The following IPO8 variants were observed in gnomAD, a reference collection of about 807,000 sequenced individuals.
The protein encoded by IPO8 is importin-8.
In IPO8, 65 loss-of-function variants were observed where a neutral mutation model predicts 141.2. The observed-to-expected ratio is 0.46, with a 90% CI of 0.38 to 0.57. IPO8 has a LOEUF of 0.57. IPO8 is among the 20% of genes least tolerant of loss of function. IPO8 has a pLI of 0.00. For missense variants in IPO8, 980 were observed against 1,246.8 expected, an observed-to-expected ratio of 0.79 and a Z score of 3.22; for synonymous variants, 411 against 420.3, an observed-to-expected ratio of 0.98 and a Z score of 0.27.
chr12:30,666,657 GAAACAC>G (rs2052969854), intron 10 of IPO8, among the ~76,000 whole-genome samples: 1 of 152,096 alleles, frequency 6.6e-6, no homozygotes, highest in Non-Finnish European at 1.5e-5. Flanking sequence ...GTGAAACAAA[GAAACAC>G]ATTATACATA....
At chr12:30,645,305 G>A (rs1377363217) in intron 20 of IPO8, among the ~76,000 whole-genome samples, 3 of 151,670 alleles carry the variant, frequency 2.0e-5, no homozygotes, top group Admixed American at 6.6e-5. Context: ...CCCAGGAGGC[G>A]GAGGTTGCAG....
At chr12:30,661,356 C>G (rs1241213235) in intron 15 of IPO8, 90 bp from the exon 16 acceptor site, 9 of 1,224,334 alleles carry the variant, frequency 7.4e-6, no homozygotes, top group Non-Finnish European at 9.8e-6. Context: ...TGTCACACAT[C>G]TGAAGTCTGC....
At chr12:30,672,261 C>T (rs1440355731) in intron 8 of IPO8, among the ~76,000 whole-genome samples, 5 of 152,096 alleles carry the variant, frequency 3.3e-5, no homozygotes, top group Non-Finnish European at 7.4e-5. Flanking sequence ...ATTATAAATT[C>T]AGAATATGGA....
intron 8 of IPO8, among the ~76,000 whole-genome samples, chr12:30,672,762 T>C (rs142997240): frequency 7.9e-5 from 12 of 152,308 alleles, no homozygotes; most frequent in African/African-American, 2.6e-4. Context: ...ATTTTCCCTA[T>C]AGATTGTCTC....
intron 20 of IPO8, among the ~76,000 whole-genome samples, chr12:30,640,622 A>G (rs947258694): frequency 6.6e-6 from 1 of 152,208 alleles, no homozygotes; most frequent in African/African-American, 2.4e-5. Flanking sequence ...CTAATTTGAG[A>G]TAACACATAT....
chr12:30,634,019 G>T, intron 23 of IPO8, 64 bp downstream of exon 23: 1 of 1,445,620 alleles, frequency 6.9e-7, no homozygotes, highest in Non-Finnish European at 9.5e-7. Context: ...TATCAAAACA[G>T]GAAGAAATGA....
intron 20 of IPO8, among the ~76,000 whole-genome samples, chr12:30,642,550 A>T (rs970094269): frequency 4.6e-5 from 7 of 152,014 alleles, no homozygotes; most frequent in African/African-American, 1.7e-4. Flanking sequence ...CAATGAATAT[A>T]TATATATAGC....
At chr12:30,676,949 C>A in intron 5 of IPO8, 4 of 1,532,854 alleles carry the variant, frequency 2.6e-6, no homozygotes, top group Non-Finnish European at 3.5e-6. Flanking sequence ...ATATTTATTT[C>A]ATTAAACACT....
intron 21 of IPO8, among the ~76,000 whole-genome samples, chr12:30,639,031 TG>T (rs2052542156): frequency 1.3e-5 from 2 of 152,144 alleles, no homozygotes; most frequent in Non-Finnish European, 2.9e-5. Context: ...ATTCTCCTAC[TG>T]GGGCAGCACC....
intron 20 of IPO8, 111 bp downstream of exon 20, chr12:30,649,026 A>T (rs965585206): frequency 1.5e-6 from 1 of 645,524 alleles, no homozygotes; most frequent in Non-Finnish European, 2.6e-6. Context: ...CAGAAAGCAC[A>T]ATCTATAGGC....
intron 7 of IPO8, 123 bp from the exon 8 acceptor site, chr12:30,674,197 C>CT: frequency 1.7e-6 from 1 of 590,230 alleles, no homozygotes; most frequent in Non-Finnish European, 3.0e-6. Flanking sequence ...CTAACACTGC[C>CT]TTTTTTTCCC....
intron 6 of IPO8, among the ~76,000 whole-genome samples, chr12:30,675,956 GT>G (rs955464821): frequency 2.6e-5 from 4 of 151,230 alleles, no homozygotes; most frequent in Admixed American, 6.6e-5. Context: ...TTATCAATAC[GT>G]TTTTTTTCTT....
intron 6 of IPO8, among the ~76,000 whole-genome samples, chr12:30,675,316 T>C (rs2053105066): frequency 6.6e-6 from 1 of 152,212 alleles, no homozygotes; most frequent in African/African-American, 2.4e-5. Context: ...ATTAAGTGTG[T>C]ACCCATAACA....
rs2052549414 is a variant in IPO8, at chr12:30,639,600, C to T, written c.2404G>A (p.Glu802Lys). 3 of 1,613,924 alleles carry T rather than the reference C, an allele frequency of 1.9e-6. No individual in the cohort carries two copies. Among genetic ancestry groups the T allele is most frequent in the African/African-American group, 1.3e-5 (1 of 74,898 alleles). ...YNPDLLLHTL[E>K]RIQLPHNPGP... The stretch of plus-strand genomic sequence containing the variant: ...GGGTTGTGAGGCAACTGAATTCGTT[C>T]TAAAGTATGTAGCAGCAAATCAGGG... Residue 802 changes from glutamate to lysine, a missense_variant, in exon 21 of 25, where the codon GAA (glutamate) becomes AAA (lysine). Around this residue, in one of 3 missense-constraint regions of IPO8, gnomAD observed 924 missense variants for 1,153.9 expected, o/e 0.80. Coordinates refer to ENST00000256079, the MANE Select transcript of IPO8 (RefSeq NM_006390.4).
At chr12:30,644,269 G>C (rs1356797026) in intron 20 of IPO8, among the ~76,000 whole-genome samples, 1 of 151,886 alleles carries the variant, frequency 6.6e-6, no homozygotes, top group Non-Finnish European at 1.5e-5. Context: ...CTACTCAGGA[G>C]GTAAGATGGG....
chr12:30,634,587 G>A (rs2052476709), intron 22 of IPO8, among the ~76,000 whole-genome samples: 1 of 151,936 alleles, frequency 6.6e-6, no homozygotes, highest in Non-Finnish European at 1.5e-5. Context: ...CTACTGTTAG[G>A]CTATGCAAGT....
intron 5 of IPO8, chr12:30,677,004 A>G (rs1190895510): frequency 1.3e-6 from 2 of 1,521,782 alleles, no homozygotes; most frequent in South Asian, 1.2e-5. Flanking sequence ...CTGTAGCATA[A>G]TAACTACAGT....
intron 16 of IPO8, among the ~76,000 whole-genome samples, chr12:30,659,748 G>A (rs757506342): frequency 4.6e-5 from 7 of 151,744 alleles, no homozygotes; most frequent in South Asian, 2.1e-4. Context: ...CCAGCTACTC[G>A]GGAGGCTGAG....
chr12:30,646,481 A>G (rs1165747670), intron 20 of IPO8, among the ~76,000 whole-genome samples: 1 of 152,172 alleles, frequency 6.6e-6, no homozygotes, highest in Non-Finnish European at 1.5e-5. Flanking sequence ...TCAACATTGC[A>G]CTCCAGCTTC....
Sources: allele counts gnomAD v4.1 joint callset (sites outside exome capture counted in the v4.1 genomes callset), GRCh38; gene constraint gnomAD v4.1.1; regional missense constraint gnomAD v4.1.1; transcripts MANE v1.5; gene names NCBI Gene and HGNC (gene_info 2026-07-23, HGNC 2026-07-21).